The following NEK6 variants were observed in gnomAD, a reference collection of about 807,000 sequenced individuals.
The protein encoded by NEK6 is serine/threonine-protein kinase Nek6.
In NEK6, 27 loss-of-function variants were observed where a neutral mutation model predicts 43.5. That is an observed-to-expected ratio of 0.62 (90% CI 0.46 to 0.86). The LOEUF is 0.86. Among genes scored for constraint, NEK6 ranks in the 40% least tolerant of loss-of-function variants. NEK6 has a pLI of 0.00. For missense variants in NEK6, 318 were observed against 414.4 expected, an observed-to-expected ratio of 0.77 and a Z score of 2.02; for synonymous variants, 167 against 164.1, an observed-to-expected ratio of 1.02 and a Z score of -0.14.
At chr9:124,303,512 G>C (rs1021342565) in intron 2 of NEK6, among the ~76,000 whole-genome samples, 1 of 152,238 alleles carries the variant, frequency 6.6e-6, no homozygotes, top group Non-Finnish European at 1.5e-5. Context: ...AGCTGCATCA[G>C]CCCAAGGAGG....
intron 1 of NEK6, among the ~76,000 whole-genome samples, chr9:124,286,939 C>T (rs1259453940): frequency 6.6e-6 from 1 of 152,198 alleles, no homozygotes; most frequent in Non-Finnish European, 1.5e-5. Flanking sequence ...CTACTTCACT[C>T]CCCTCTTCCT....
intron 4 of NEK6, among the ~76,000 whole-genome samples, chr9:124,318,808 A>G (rs1291623776): frequency 1.6e-4 from 25 of 151,828 alleles, no homozygotes; most frequent in Non-Finnish European, 2.2e-4. Flanking sequence ...AGTAGCTGGG[A>G]TTACAGGCAC....
rs1830312469 is a variant in NEK6 at position 124,352,248 on chromosome 9, A to T, written c.*1301A>T. On this transcript the variant is annotated 3_prime_UTR_variant, in exon 10 of 10. Coordinates refer to ENST00000320246, the MANE Select transcript of NEK6 (RefSeq NM_014397.6). ...TTCCTGACACCTGCTGCCTGCAGGCATTCACTGACCAGGCCTTTCCTGGAG... is the reference window on the plus strand; with the variant it reads ...TTCCTGACACCTGCTGCCTGCAGGCTTTCACTGACCAGGCCTTTCCTGGAG... 6.6e-6 allele frequency: 1 copy of T among 152,404 alleles called. No individual in the cohort carries two copies. Among genetic ancestry groups the T allele is most frequent in the Non-Finnish European group, 1.5e-5 (1 of 68,036 alleles). The allele number at this position is 152,404 out of a possible 1,614,324, so 9.4% of individuals were successfully genotyped here. A position where few individuals can be genotyped will look rare whatever the true frequency, so the allele number is the denominator to read the frequency against.
chr9:124,342,533 C>T (rs1034403276), intron 8 of NEK6, among the ~76,000 whole-genome samples: 1 of 152,208 alleles, frequency 6.6e-6, no homozygotes, highest in African/African-American at 2.4e-5. Context: ...GTGAGGTGCC[C>T]GAGTCAGAGA....
intron 7 of NEK6, among the ~76,000 whole-genome samples, chr9:124,332,805 C>T (rs938195430): frequency 7.9e-5 from 12 of 152,188 alleles, no homozygotes; most frequent in African/African-American, 2.9e-4. Flanking sequence ...CCGCATTCTC[C>T]TCTGATATCT....
rs1359650602 is a variant in NEK6 at position 124,324,041 on chromosome 9, C to T, written c.406-2289C>T. Among the ~76,000 whole-genome samples, 1 of 152,166 alleles carries T rather than the reference C, an allele frequency of 6.6e-6. No homozygotes were observed. The highest frequency in any genetic ancestry group is 1.5e-5 in the Non-Finnish European group (1 of 68,020). On this transcript the variant is annotated intron_variant, in intron 5 of 9. Transcript: ENST00000320246. This position sits in a 1 kb window ranked among gnomAD's most constrained non-coding sequence, Gnocchi z 5.3. ...CCCACAGTCCCCACCTCTCTCCCCC[C>T]ACTGTCCCTGCCTGCTCCCGTTCCC...
At position 124,312,669 on chromosome 9, in the gene NEK6, G is replaced by T; in HGVS notation, c.231+20G>T. 1 of 1,599,974 alleles carries T rather than the reference G, an allele frequency of 6.3e-7. No homozygotes were observed. Among genetic ancestry groups the T allele is most frequent in the Middle Eastern group, 1.7e-4 (1 of 6,010 alleles). On this transcript the variant is annotated intron_variant, in intron 3 of 9. Transcript: ENST00000320246. The stretch of plus-strand genomic sequence containing the variant: ...GTGCAGGTGAGCTGACAACCCGTGG[G>T]GTCAAACCTGCATCTCGGGAGGTGG...
At chr9:124,297,278 A>G (rs774067677) in intron 1 of NEK6, among the ~76,000 whole-genome samples, 3 of 152,214 alleles carry the variant, frequency 2.0e-5, no homozygotes, top group Admixed American at 6.5e-5. Context: ...GTTAGCTTCA[A>G]TAGCTAAATA....
At chr9:124,263,144 C>T (rs1831099470) in intron 1 of NEK6, 1 of 152,270 alleles carries the variant, frequency 6.6e-6, no homozygotes, top group Non-Finnish European at 1.5e-5. Context: ...GATGGATGCA[C>T]ATGACCTTCA....
chr9:124,349,610 TTTCTCTTGAATTCTGA>T (rs1160210655), intron 9 of NEK6, among the ~76,000 whole-genome samples: 136 of 152,348 alleles, frequency 8.9e-4, no homozygotes, highest in African/African-American at 3.2e-3. Flanking sequence ...TTTTATTATT[TTTCTCTTGAATTCTGA>T]AAACTTCAAA....
chr9:124,325,711 G>A (rs1325952803), intron 5 of NEK6, among the ~76,000 whole-genome samples: 5 of 152,240 alleles, frequency 3.3e-5, no homozygotes, highest in Non-Finnish European at 5.9e-5. Context: ...TCTTCCTGGA[G>A]CACTAAATAT....
At chr9:124,292,199 G>A (rs988294749) in intron 1 of NEK6, 3 of 1,257,448 alleles carry the variant, frequency 2.4e-6, no homozygotes, top group Admixed American at 3.3e-5. Context: ...GAGCTCCAGG[G>A]ACCTTGACCT....
intron 2 of NEK6, among the ~76,000 whole-genome samples, chr9:124,307,778 C>A (rs12004222): frequency 7.9e-5 from 12 of 152,176 alleles, no homozygotes; most frequent in African/African-American, 2.9e-4. Flanking sequence ...GTGACAAAGT[C>A]GCAAGGTTGT....
At chr9:124,323,342 G>A (rs562541639) in intron 5 of NEK6, among the ~76,000 whole-genome samples, 7 of 152,308 alleles carry the variant, frequency 4.6e-5, no homozygotes, top group South Asian at 2.1e-4. Flanking sequence ...GGAGACCACC[G>A]GATCACGTAG....
chr9:124,261,337 A>G, intron 1 of NEK6: 1 of 935,722 alleles, frequency 1.1e-6, no homozygotes, highest in South Asian at 4.9e-5. Flanking sequence ...GTGTCAAAAC[A>G]ATTGTCAAAA....
At chr9:124,279,782 G>A (rs945745094) in intron 1 of NEK6, among the ~76,000 whole-genome samples, 23 of 152,302 alleles carry the variant, frequency 1.5e-4, no homozygotes, top group Non-Finnish European at 1.3e-4. Context: ...CCCTGGCTGC[G>A]TTTCCCTCAA....
chr9:124,332,910 A>G (rs886133605), intron 7 of NEK6, among the ~76,000 whole-genome samples: 1 of 152,040 alleles, frequency 6.6e-6, no homozygotes, highest in Admixed American at 6.5e-5. Flanking sequence ...TCCCCCACCA[A>G]GAGGAGGGGG....
chr9:124,333,411 C>A (rs1206151546), intron 7 of NEK6, among the ~76,000 whole-genome samples: 1 of 152,180 alleles, frequency 6.6e-6, no homozygotes, highest in Non-Finnish European at 1.5e-5. Flanking sequence ...GAAGGGGGAG[C>A]AGCCCCTCCC....
At chr9:124,321,372 G>T in intron 4 of NEK6, 87 bp from the exon 5 acceptor site, 1 of 788,332 alleles carries the variant, frequency 1.3e-6, no homozygotes, top group South Asian at 1.6e-5. Flanking sequence ...CAGTGACCGG[G>T]TGCCAGCAGG....
Sources: gnomAD v4.1 joint callset for allele counts (sites outside exome capture counted in the v4.1 genomes callset) on GRCh38, gnomAD v4.1.1 for gene constraint, Gnocchi (gnomAD v3.1) non-coding constraint, MANE v1.5 for transcripts, NCBI Gene and HGNC (gene_info 2026-07-23, HGNC 2026-07-21) for gene names.